TGFB1: variants seen among roughly 807,000 people sequenced by gnomAD.
TGFB1 encodes transforming growth factor beta 1.
TGFB1 carries 19 observed loss-of-function variants against 43.8 expected under a neutral mutation model. The ratio of observed to expected loss-of-function variants is 0.43; its 90% confidence interval spans 0.30 to 0.64. TGFB1 has a LOEUF of 0.64. TGFB1 is among the 30% of genes least tolerant of loss of function. The pLI is 0.11. For missense variants in TGFB1, 445 were observed against 529.8 expected (o/e 0.84, Z 1.57); for synonymous variants, 221 against 236.3 (o/e 0.94, Z 0.60).
At chr19:41,331,888 C>G (rs531889538) in intron 6 of TGFB1, among the ~76,000 whole-genome samples, 6 of 151,716 alleles carry the variant, frequency 4.0e-5, no homozygotes, top group Non-Finnish European at 8.8e-5. Flanking sequence ...TCACCCCCAT[C>G]CCTCTGTTAC....
At chr19:41,351,804 T>TGGGGGGGGCTCGCTGCTC (rs61023216) in intron 1 of TGFB1, among the ~76,000 whole-genome samples, 2 of 151,414 alleles carry the variant, frequency 1.3e-5, no homozygotes, top group Non-Finnish European at 2.9e-5. Context: ...CTGCGGGGAA[T>TGGGGGGGGCTCGCTGCTC]GCAGCGTGGA....
intron 5 of TGFB1, among the ~76,000 whole-genome samples, chr19:41,340,804 G>T (rs2038046530): frequency 6.6e-6 from 1 of 152,096 alleles, no homozygotes; most frequent in Non-Finnish European, 1.5e-5. Flanking sequence ...AATTCCACAT[G>T]GGCCATCTTC....
chr19:41,343,346 C>T (rs1292867384), intron 3 of TGFB1, among the ~76,000 whole-genome samples: 1 of 152,132 alleles, frequency 6.6e-6, no homozygotes, highest in East Asian at 1.9e-4. Context: ...GTTGGTCAGG[C>T]TGGTCTCGAA....
intron 5 of TGFB1, among the ~76,000 whole-genome samples, chr19:41,339,507 T>C (rs1344257478): frequency 1.3e-5 from 2 of 151,634 alleles, no homozygotes; most frequent in African/African-American, 4.8e-5. Flanking sequence ...CCCTTTGTAA[T>C]GTCAGGAGCT....
intron 1 of TGFB1, among the ~76,000 whole-genome samples, chr19:41,352,349 C>T (rs1301533146): frequency 6.9e-6 from 1 of 145,234 alleles, no homozygotes; most frequent in Non-Finnish European, 1.5e-5. Flanking sequence ...CACGACCCCC[C>T]CCCCCATTCA....
chr19:41,338,997 C>G (rs2038022341), intron 5 of TGFB1, among the ~76,000 whole-genome samples: 1 of 151,776 alleles, frequency 6.6e-6, no homozygotes, highest in East Asian at 1.9e-4. Context: ...CTTTCCCCTT[C>G]TTTGCATTGT....
chr19:41,340,138 C>G (rs1236935445), intron 5 of TGFB1, among the ~76,000 whole-genome samples: 2 of 152,128 alleles, frequency 1.3e-5, no homozygotes. Context: ...AGGATTCCCC[C>G]TTTCCAACCT....
chr19:41,352,433 C>T (rs1297141783), intron 1 of TGFB1, among the ~76,000 whole-genome samples: 1 of 151,716 alleles, frequency 6.6e-6, no homozygotes, highest in Non-Finnish European at 1.5e-5. Flanking sequence ...CCCCCACGAC[C>T]CCGCATGTTT....
In TGFB1 at chr19:41,331,010, T is replaced by TGGGGCCGGGCCTGCCGGGGCGGGGC; in HGVS notation, c.*17_*41dup. 1 of 937,116 alleles carries TGGGGCCGGGCCTGCCGGGGCGGGGC rather than the reference T, an allele frequency of 1.1e-6. No homozygotes were observed. The highest frequency in any genetic ancestry group is 1.2e-6 in the Non-Finnish European group (1 of 804,536). 58.1% of individuals were successfully genotyped at this position (937,116 alleles called of 1,614,324 possible). On this transcript the variant is annotated 3_prime_UTR_variant, in exon 7 of 7. Transcript: ENST00000221930. The stretch of plus-strand genomic sequence containing the variant: ...GCAAGGCAGCGGGGGCGGGGCGGGG[T>TGGGGCCGGGCCTGCCGGGGCGGGGC]GGGGCCGGGCCTGCCGGGGCGGGGC...
chr19:41,334,369 C>CT (rs1169408517), intron 5 of TGFB1, among the ~76,000 whole-genome samples: 2 of 150,216 alleles, frequency 1.3e-5, no homozygotes, highest in African/African-American at 4.9e-5. Context: ...GGGTGAGACT[C>CT]TGTCTTGAAA....
chr19:41,345,693 G>A (rs954124809), intron 2 of TGFB1, among the ~76,000 whole-genome samples: 1 of 151,444 alleles, frequency 6.6e-6, no homozygotes, highest in Non-Finnish European at 1.5e-5. Flanking sequence ...CCTGAGGTCA[G>A]GAGTTCAAGA....
chr19:41,331,152 G>T lies in TGFB1; in HGVS notation c.1073C>A (p.Pro358Gln). ...PGASAAPCCV[P>Q]QALEPLPIVY... ...GATGGGCAGCGGCTCCAGCGCCTGC[G>T]GCACGCAGCACGGCGCCGCCGAGGC... Residue 358 changes from proline (P) to glutamine (Q), a missense_variant, in exon 7 of 7, where the codon CCG (proline) becomes CAG (glutamine). Coordinates refer to ENST00000221930, the MANE Select transcript of TGFB1 (RefSeq NM_000660.7). 1 of 1,566,614 alleles carries T rather than the reference G, an allele frequency of 6.4e-7. No homozygotes were observed.
At chr19:41,339,533 CT>C (rs2038028578) in intron 5 of TGFB1, among the ~76,000 whole-genome samples, 1 of 151,638 alleles carries the variant, frequency 6.6e-6, no homozygotes, top group African/African-American at 2.4e-5. Flanking sequence ...CACTCAAGAC[CT>C]CAATTTGTGG....
intron 5 of TGFB1, among the ~76,000 whole-genome samples, chr19:41,339,810 C>T (rs529642630): frequency 1.2e-4 from 18 of 152,104 alleles, no homozygotes; most frequent in Admixed American, 2.6e-4. Flanking sequence ...GGCAACAGAG[C>T]GAGACTCTGT....
Position 41,344,796 on chromosome 19 carries a change from C to A in TGFB1, c.585G>T (p.Trp195Cys). 1 of 1,613,666 alleles carries A rather than the reference C, an allele frequency of 6.2e-7. No homozygotes were observed. Among genetic ancestry groups the A allele is most frequent in the Middle Eastern group, 1.7e-4 (1 of 6,058 alleles). ...RLLAPSDSPE[W>C]LSFDVTGVVR... is the part of the protein sequence containing the mutation. ...CAACTCCGGTGACATCAAAAGATAA[C>A]CACTCTGGCGAGTCGCTGGGTGCCA... The change falls in exon 3 of 7, where the codon TGG becomes TGT. Residue 195 changes from tryptophan to cysteine, a missense_variant. Physicochemically the swap from Trp to Cys is radical, Grantham distance 215 (BLOSUM62 -2). Coordinates refer to ENST00000221930, the MANE Select transcript of TGFB1 (RefSeq NM_000660.7).
Position 41,342,163 on chromosome 19 carries a change from G to C in TGFB1, c.712+7C>G. 6.2e-7 allele frequency: 1 copy of C among 1,610,400 alleles called. No homozygotes were observed. The highest frequency in any genetic ancestry group is 8.5e-7 in the Non-Finnish European group (1 of 1,178,282). On this transcript the variant is annotated splice_region_variant and intron_variant, in intron 4 of 6. Coordinates refer to ENST00000221930, the MANE Select transcript of TGFB1 (RefSeq NM_000660.7). ...CAACTGGGCATGGCCGGGGAAGCAG[G>C]CCTCACCGTTGATGTCCACTTGCAG... is the stretch of plus-strand genomic sequence containing the variant.
Position 41,344,811 on chromosome 19 carries a change from G to A in TGFB1, c.570C>T (p.Ser190=), listed in dbSNP as rs779809888. 2.5e-6 allele frequency: 4 copies of A among 1,612,014 alleles called. No homozygotes were observed. Among genetic ancestry groups the A allele is most frequent in the South Asian group, 2.2e-5 (2 of 90,628 alleles). Residue 190 remains serine, a synonymous_variant, in exon 3 of 7, where the codon AGC becomes AGT. Coordinates refer to ENST00000221930, the MANE Select transcript of TGFB1 (RefSeq NM_000660.7). ...CAAAAGATAACCACTCTGGCGAGTC[G>A]CTGGGTGCCAGCAGCCGGTTGCTGA... The part of the protein sequence containing the change: ...RYLSNRLLAP[S]DSPEWLSFDV...
At chr19:41,346,547 A>G (rs1395933496) in intron 2 of TGFB1, among the ~76,000 whole-genome samples, 1 of 152,176 alleles carries the variant, frequency 6.6e-6, no homozygotes, top group African/African-American at 2.4e-5. Context: ...AGAAACTGCT[A>G]GAGCCTCCAG....
At position 41,344,814 on chromosome 19, in the gene TGFB1, G is replaced by C; in HGVS notation, c.567C>G (p.Pro189=). Reference sequence around the variant, plus strand: ...AAGATAACCACTCTGGCGAGTCGCTGGGTGCCAGCAGCCGGTTGCTGAGGT... The same window carrying C: ...AAGATAACCACTCTGGCGAGTCGCTCGGTGCCAGCAGCCGGTTGCTGAGGT... The part of the protein sequence containing the change: ...WRYLSNRLLA[P]SDSPEWLSFD... The change falls in exon 3 of 7, where the codon CCC becomes CCG. Residue 189 remains proline, a synonymous_variant. Transcript: ENST00000221930. The C allele has an allele frequency of 6.2e-7, 1 of 1,611,942 alleles. No individual in the cohort carries two copies. The highest frequency in any genetic ancestry group is 8.5e-7 in the Non-Finnish European group (1 of 1,179,104).
Sources: allele counts gnomAD v4.1 joint callset (sites outside exome capture counted in the v4.1 genomes callset), GRCh38; gene constraint gnomAD v4.1.1; transcripts MANE v1.5; gene names NCBI Gene and HGNC (gene_info 2026-07-23, HGNC 2026-07-21).